HSD11B1: variants seen among roughly 807,000 people sequenced by gnomAD.
HSD11B1 encodes hydroxysteroid 11-beta dehydrogenase 1.
A neutral mutation model predicts 22.1 loss-of-function variants in HSD11B1; 15 were observed. The ratio of observed to expected loss-of-function variants is 0.68; its 90% confidence interval spans 0.45 to 1.04. The LOEUF (loss-of-function observed/expected upper bound fraction) is 1.04, where lower values mean the gene tolerates loss of function less well. Among genes scored for constraint, HSD11B1 ranks in the 50% least tolerant of loss-of-function variants. The pLI is 0.00. For missense variants in HSD11B1, 281 were observed against 357.6 expected (o/e 0.79, Z 1.73); for synonymous variants, 122 against 125.2 (o/e 0.97, Z 0.17).
intron 1 of HSD11B1, among the ~76,000 whole-genome samples, chr1:209,694,739 C>T (rs2076780590): frequency 6.6e-6 from 1 of 152,182 alleles, no homozygotes; most frequent in Admixed American, 6.5e-5. Flanking sequence ...GGATGGTGAG[C>T]CATGAGGCTT....
intron 4 of HSD11B1, among the ~76,000 whole-genome samples, chr1:209,713,763 T>C (rs1208572727): frequency 6.6e-6 from 1 of 152,244 alleles, no homozygotes; most frequent in Admixed American, 6.5e-5. Flanking sequence ...TATATTGTAT[T>C]ATTTAAGGAA....
chr1:209,719,403 A>G (rs1357057586), intron 4 of HSD11B1, among the ~76,000 whole-genome samples: 2 of 152,200 alleles, frequency 1.3e-5, no homozygotes, highest in African/African-American at 4.8e-5. Context: ...AGTTGAAAGT[A>G]GAAGGGTGGT....
At chr1:209,692,097 G>A (rs892748602) in intron 1 of HSD11B1, among the ~76,000 whole-genome samples, 1 of 151,074 alleles carries the variant, frequency 6.6e-6, no homozygotes, top group African/African-American at 2.4e-5. Context: ...AAAAGGAAAT[G>A]GCTCAGTTAT....
At chr1:209,729,843 GT>G (rs2077025127) in intron 4 of HSD11B1, among the ~76,000 whole-genome samples, 1 of 152,164 alleles carries the variant, frequency 6.6e-6, no homozygotes, top group South Asian at 2.1e-4. Flanking sequence ...ATCAATAAAT[GT>G]GATACATCAC....
At chr1:209,705,692 G>A (rs936305861) in intron 1 of HSD11B1, 119 bp from the exon 2 acceptor site, 9 of 1,252,954 alleles carry the variant, frequency 7.2e-6, no homozygotes, top group Non-Finnish European at 8.1e-6. Flanking sequence ...GTGACAAACT[G>A]ATCTGGGCTC....
At chr1:209,710,028 C>T (rs2076885318) in intron 4 of HSD11B1, among the ~76,000 whole-genome samples, 1 of 151,760 alleles carries the variant, frequency 6.6e-6, no homozygotes, top group African/African-American at 2.4e-5. Flanking sequence ...AAAGTCCTTC[C>T]ATCCGGCAGT....
At chr1:209,715,292 G>A (rs979838579) in intron 4 of HSD11B1, among the ~76,000 whole-genome samples, 4 of 152,136 alleles carry the variant, frequency 2.6e-5, no homozygotes, top group Non-Finnish European at 5.9e-5. Context: ...CACAAGGACA[G>A]ATATATAAAT....
rs533479919 is a variant in HSD11B1, at chr1:209,707,129, G to C, written c.517+1G>C. 2 of 1,612,828 alleles carry C rather than the reference G, an allele frequency of 1.2e-6. No individual in the cohort carries two copies. The highest frequency in any genetic ancestry group is 1.7e-5 in the Admixed American group (1 of 59,978). Reference sequence around the variant, plus strand: ...ATTGTTGTCGTCTCCTCTCTGGCTGGTAAGTGGGACAGGGACATATGTGGA... The same window carrying C: ...ATTGTTGTCGTCTCCTCTCTGGCTGCTAAGTGGGACAGGGACATATGTGGA... On this transcript the variant is annotated splice_donor_variant, in intron 4 of 5. Coordinates refer to ENST00000367027, the MANE Select transcript of HSD11B1 (RefSeq NM_005525.4). LOFTEE classifies it high-confidence loss of function.
upstream of HSD11B1, among the ~76,000 whole-genome samples, chr1:209,700,419 T>A (rs2076819761): frequency 6.6e-6 from 1 of 152,216 alleles, no homozygotes; most frequent in Admixed American, 6.5e-5. Flanking sequence ...GGCTAGCTCC[T>A]TTCAGGCTCC....
chr1:209,708,533 C>T (rs1171279831), intron 4 of HSD11B1, among the ~76,000 whole-genome samples: 1 of 152,132 alleles, frequency 6.6e-6, no homozygotes, highest in Non-Finnish European at 1.5e-5. Context: ...GACACAGACT[C>T]TCTCTGGGCT....
intron 5 of HSD11B1, 67 bp from the exon 6 acceptor site, chr1:209,734,237 C>A: frequency 1.5e-6 from 2 of 1,297,002 alleles, no homozygotes; most frequent in Non-Finnish European, 2.2e-6. Flanking sequence ...TGGTTGATGT[C>A]TCCAGGCCTT....
intron 1 of HSD11B1, 56 bp from the exon 2 acceptor site, chr1:209,705,755 A>C (rs1340116766): frequency 6.2e-7 from 1 of 1,609,306 alleles, no homozygotes; most frequent in Non-Finnish European, 8.5e-7. Context: ...AGAGAGGGAG[A>C]AGGAATTTTG....
At chr1:209,733,695 A>T (rs1571890318) in intron 5 of HSD11B1, among the ~76,000 whole-genome samples, 1 of 152,206 alleles carries the variant, frequency 6.6e-6, no homozygotes, top group African/African-American at 2.4e-5. Flanking sequence ...ATATTAAAAG[A>T]AAATGCTCTT....
intron 5 of HSD11B1, among the ~76,000 whole-genome samples, chr1:209,733,807 G>A (rs918801551): frequency 2.0e-5 from 3 of 152,126 alleles, no homozygotes; most frequent in Non-Finnish European, 4.4e-5. Context: ...GTGCAAGATG[G>A]ACATGAAAAC....
intron 4 of HSD11B1, among the ~76,000 whole-genome samples, chr1:209,722,961 CT>C (rs2076975878): frequency 6.6e-6 from 1 of 152,162 alleles, no homozygotes; most frequent in Non-Finnish European, 1.5e-5. Context: ...TCCTTTTGAC[CT>C]CTTCTACTCA....
chr1:209,693,147 G>A (rs780133071), intron 1 of HSD11B1, among the ~76,000 whole-genome samples: 1 of 152,072 alleles, frequency 6.6e-6, no homozygotes, highest in Non-Finnish European at 1.5e-5. Context: ...AGAAATTCTC[G>A]TTCAGTTCCC....
At chr1:209,732,396 G>C (rs1458199344) in intron 4 of HSD11B1, 40 bp from the exon 5 acceptor site, 2 of 1,612,712 alleles carry the variant, frequency 1.2e-6, no homozygotes, top group African/African-American at 2.7e-5. Flanking sequence ...AAGGTGAAAT[G>C]GGCAGCCTTA....
At position 209,706,059 on chromosome 1, in the gene HSD11B1, C is replaced by A. The variant is rs1006227192; in HGVS notation, c.219+118C>A. On this transcript the variant is annotated intron_variant, in intron 2 of 5. Transcript: ENST00000367027. The surrounding 1 kb of genome is among the most constrained non-coding windows in gnomAD (Gnocchi z 4.0). ...AGATCTATATACAGAGGCACATGCA[C>A]ACACACAGACACTTAATTTTGCACT... 1 of 1,290,920 alleles carries A rather than the reference C, an allele frequency of 7.7e-7. No homozygotes were observed. 80.0% of individuals were successfully genotyped at this position (1,290,920 alleles called of 1,614,324 possible). A position where few individuals can be genotyped will look rare whatever the true frequency, so the allele number is the denominator to read the frequency against.
intron 4 of HSD11B1, among the ~76,000 whole-genome samples, chr1:209,731,691 TG>T (rs2077036730): frequency 6.6e-6 from 1 of 152,136 alleles, no homozygotes; most frequent in South Asian, 2.1e-4. Context: ...AAAGCGGCTT[TG>T]GGTAGAAAAG....
Sources: allele counts gnomAD v4.1 joint callset (sites outside exome capture counted in the v4.1 genomes callset), GRCh38; gene constraint gnomAD v4.1.1; non-coding constraint Gnocchi (gnomAD v3.1); transcripts MANE v1.5; gene names NCBI Gene and HGNC (gene_info 2026-07-23, HGNC 2026-07-21).